The following ARMC10 variants were observed in gnomAD, a reference collection of about 807,000 sequenced individuals.
ARMC10 encodes the protein armadillo repeat containing 10.
ARMC10 carries 23 observed loss-of-function variants against 30.2 expected under a neutral mutation model. That is an observed-to-expected ratio of 0.76 (90% CI 0.55 to 1.08). The LOEUF (loss-of-function observed/expected upper bound fraction) is 1.08, where lower values mean the gene tolerates loss of function less well. Ranked by LOEUF, ARMC10 falls within the 50% of genes least tolerant of loss-of-function variation. The probability of loss-of-function intolerance (pLI) is 0.00; values close to 1 mark genes in which losing one functional copy is unlikely to be tolerated. For synonymous variants in ARMC10, 111 were observed against 164.4 expected (o/e 0.68, Z 2.48); for missense variants, 303 against 413.7 (o/e 0.73, Z 2.32).
At chr7:103,080,140 T>C (rs879903243) in intron 2 of ARMC10, among the ~76,000 whole-genome samples, 6 of 152,218 alleles carry the variant, frequency 3.9e-5, no homozygotes, top group South Asian at 4.1e-4. Context: ...ACCTGTGTAA[T>C]AGCAGTCCAA....
At chr7:103,081,893 G>C in intron 2 of ARMC10, 1 of 456,586 alleles carries the variant, frequency 2.2e-6, no homozygotes, top group South Asian at 1.5e-5. Context: ...TGAGAAAACT[G>C]AGACCCCCAA....
intron 2 of ARMC10, chr7:103,081,980 G>A: frequency 2.2e-6 from 1 of 454,882 alleles, no homozygotes; most frequent in South Asian, 1.6e-5. Context: ...TGTGACTTTA[G>A]GCAGATCCTT....
In ARMC10 at chr7:103,097,280, C is replaced by G. The variant is rs1469239411; in HGVS notation, c.709C>G (p.Gln237Glu). The G allele has an allele frequency of 4.3e-6, 7 of 1,613,550 alleles. No homozygotes were observed. Among genetic ancestry groups the G allele is most frequent in the Non-Finnish European group, 5.9e-6 (7 of 1,179,594 alleles). Residue 237 changes from glutamine (Q) to glutamate (E), a missense_variant, in exon 6 of 7, where the codon CAA (glutamine) becomes GAA (glutamate). By Grantham distance (29) the Gln-to-Glu change is conservative. This residue lies in a region of ARMC10 where 170 missense variants were observed against 207.2 expected (regional missense o/e 0.82). Transcript: ENST00000323716. The part of the protein sequence containing the change: ...LLTGNGNTKV[Q>E]VLKLLLNLSE... ...AGCCAGTATCATCTTCTTTCAGGTG[C>G]AAGTTTTGAAACTGCTTTTGAATTT...
intron 4 of ARMC10, among the ~76,000 whole-genome samples, chr7:103,091,161 G>GA (rs1279645832): frequency 6.6e-6 from 1 of 152,094 alleles, no homozygotes; most frequent in East Asian, 1.9e-4. Flanking sequence ...GGACATGGTG[G>GA]TGCACACCTG....
intron 5 of ARMC10, among the ~76,000 whole-genome samples, chr7:103,094,100 C>G (rs1042598383): frequency 5.3e-5 from 8 of 152,164 alleles, no homozygotes; most frequent in African/African-American, 1.9e-4. Flanking sequence ...GAAAGTGTGT[C>G]TGATTTAGGT....
At chr7:103,078,797 C>T (rs1307755487) in intron 2 of ARMC10, among the ~76,000 whole-genome samples, 1 of 152,004 alleles carries the variant, frequency 6.6e-6, no homozygotes, top group Non-Finnish European at 1.5e-5. Flanking sequence ...ATCGCTTGAG[C>T]CCAGAGTTCA....
At chr7:103,075,525 A>C in intron 1 of ARMC10, 114 bp downstream of exon 1, 1 of 1,119,340 alleles carries the variant, frequency 8.9e-7, no homozygotes, top group Non-Finnish European at 1.1e-6. Flanking sequence ...CTAGAGGGAG[A>C]GGCAGTACTT....
At chr7:103,095,557 T>TAA (rs5886245) in intron 5 of ARMC10, among the ~76,000 whole-genome samples, 133,328 of 152,132 alleles carry the variant, frequency 0.88, 61,119 homozygotes, top group East Asian at 1. Flanking sequence ...TTCCCAGCTC[T>TAA]AGTGAAGAGC....
intron 2 of ARMC10, among the ~76,000 whole-genome samples, chr7:103,080,979 T>C (rs1485357284): frequency 6.6e-6 from 1 of 152,212 alleles, no homozygotes; most frequent in Admixed American, 6.5e-5. Context: ...GAAAGAGTAA[T>C]GTAGGAGTAA....
chr7:103,098,687 G>A lies in ARMC10; in HGVS notation c.*134G>A. The A allele has an allele frequency of 5.7e-6, 8 of 1,412,738 alleles. No homozygotes were observed. The highest frequency in any genetic ancestry group is 7.5e-6 in the Non-Finnish European group (8 of 1,066,132). 87.5% of individuals were successfully genotyped at this position (1,412,738 alleles called of 1,614,324 possible). A position where few individuals can be genotyped will look rare whatever the true frequency, so the allele number is the denominator to read the frequency against. ...TTTGTCATTAACACAGCTATAACTT[G>A]CCGTGGTTCTCAGATTTATTTTGGA... is the stretch of plus-strand genomic sequence containing the variant. On this transcript the variant is annotated 3_prime_UTR_variant, in exon 7 of 7. Transcript: ENST00000323716.
chr7:103,093,496 C>A (rs372885031), intron 5 of ARMC10, among the ~76,000 whole-genome samples: 1 of 152,274 alleles, frequency 6.6e-6, no homozygotes, highest in East Asian at 1.9e-4. Flanking sequence ...TTCCTCTTTT[C>A]CAATAGCCAA....
At chr7:103,078,119 C>T (rs1047188232) in intron 2 of ARMC10, among the ~76,000 whole-genome samples, 4 of 152,074 alleles carry the variant, frequency 2.6e-5, no homozygotes, top group East Asian at 1.9e-4. Context: ...CCTCGGCCTC[C>T]GGAGTAGCTG....
At chr7:103,084,021 T>C (rs1415956097) in intron 3 of ARMC10, 191 bp downstream of exon 3, 1 of 1,508,442 alleles carries the variant, frequency 6.6e-7, no homozygotes, top group Admixed American at 2.0e-5. Context: ...ATTATTAATG[T>C]GATTATAGAT....
chr7:103,092,330 CAAAAAAAAA>C (rs772073727), intron 4 of ARMC10, 138 bp from the exon 5 acceptor site: 1 of 231,904 alleles, frequency 4.3e-6, no homozygotes, highest in Non-Finnish European at 7.2e-6. Context: ...GACTCCGTCT[CAAAAAAAAA>C]AAAAAAAAAA....
intron 2 of ARMC10, among the ~76,000 whole-genome samples, chr7:103,082,727 C>A (rs903189307): frequency 3.9e-5 from 6 of 152,280 alleles, no homozygotes; most frequent in Non-Finnish European, 7.4e-5. Context: ...CCCCTCCCCC[C>A]ACCACCCCAG....
rs36128607 is a variant in ARMC10 at position 103,099,575 on chromosome 7, C to CGTGT, written c.*1037_*1040dup. On this transcript the variant is annotated 3_prime_UTR_variant, in exon 7 of 7. Coordinates refer to ENST00000323716, the MANE Select transcript of ARMC10 (RefSeq NM_031905.5). ...ACAAAAATTATAGAATATGGGATCCCGTGTGTGTGTGTGTGTGTTTGAATG... is the reference window on the plus strand; with the variant it reads ...ACAAAAATTATAGAATATGGGATCCCGTGTGTGTGTGTGTGTGTGTGTTTGAATG... 5.7e-4 allele frequency: 17 copies of CGTGT among 30,002 alleles called. 1 individual carries two copies. The highest frequency in any genetic ancestry group is 2.2e-3 in the East Asian group (2 of 924). The allele number at this position is 30,002 out of a possible 1,614,324, so 1.9% of individuals were successfully genotyped here. A position where few individuals can be genotyped will look rare whatever the true frequency, so the allele number is the denominator to read the frequency against.
intron 2 of ARMC10, among the ~76,000 whole-genome samples, chr7:103,079,194 A>T (rs1220427301): frequency 6.6e-6 from 1 of 152,128 alleles, no homozygotes; most frequent in African/African-American, 2.4e-5. Flanking sequence ...AGTCAAATCT[A>T]TCAGGGGATT....
chr7:103,080,262 T>G (rs1225285265), intron 2 of ARMC10, among the ~76,000 whole-genome samples: 2 of 152,228 alleles, frequency 1.3e-5, no homozygotes, highest in Admixed American at 1.3e-4. Flanking sequence ...TTTGTTTTGT[T>G]TTGTTGTTTT....
chr7:103,097,433 A>G (rs1007004294), intron 6 of ARMC10, 85 bp downstream of exon 6: 12 of 1,013,902 alleles, frequency 1.2e-5, no homozygotes, highest in Non-Finnish European at 1.8e-5. Context: ...TAAGCCTAAA[A>G]TGTTAACAGG....
Sources: allele counts gnomAD v4.1 joint callset (sites outside exome capture counted in the v4.1 genomes callset), GRCh38; gene constraint gnomAD v4.1.1; regional missense constraint gnomAD v4.1.1; transcripts MANE v1.5; gene names NCBI Gene and HGNC (gene_info 2026-07-23, HGNC 2026-07-21).